The following SHISA9 variants were observed in gnomAD, a reference collection of about 807,000 sequenced individuals.
SHISA9 encodes shisa family member 9, also known as protein shisa-9.
Under a neutral mutation model 38.0 loss-of-function variants are expected in SHISA9, and 13 were observed. The observed-to-expected ratio is 0.34, with a 90% CI of 0.22 to 0.54. The LOEUF is 0.54. SHISA9 is among the 20% of genes least tolerant of loss of function. The pLI, the probability that SHISA9 is intolerant of heterozygous loss-of-function variation, is 0.91. For synonymous variants in SHISA9, 275 were observed against 242.0 expected (o/e 1.14, Z -1.27); for missense variants, 538 against 575.8 (o/e 0.93, Z 0.67).
intron 2 of SHISA9, among the ~76,000 whole-genome samples, chr16:13,056,993 G>C (rs1267860897): frequency 6.6e-6 from 1 of 152,200 alleles, no homozygotes; most frequent in African/African-American, 2.4e-5. Context: ...TTAGCTGTGA[G>C]GCTAGCAAAG....
chr16:13,332,015 G>A, the SHISA9 span: 1 of 151,968 alleles, frequency 6.6e-6, no homozygotes, highest in Non-Finnish European at 1.5e-5. Context: ...ATTAGATGGA[G>A]ATATTTAGGT....
In SHISA9 at chr16:13,170,180, G is replaced by A. The variant is rs376002872; in HGVS notation, c.692-33214G>A. Among the ~76,000 whole-genome samples, 5 of 145,610 alleles carry A rather than the reference G, an allele frequency of 3.4e-5. No homozygotes were observed. In the South Asian group the frequency reaches 1.1e-3, roughly 32 times the overall value. On this transcript the variant is annotated intron_variant, in intron 2 of 4. Coordinates refer to ENST00000558583, the MANE Select transcript of SHISA9 (RefSeq NM_001145204.3). ...ATCGTGCCATTGCACTCCAGCCTGG[G>A]CAACAGAGTGAGACTCCATCTCAAA... is the stretch of plus-strand genomic sequence containing the variant.
Position 13,006,389 on chromosome 16 carries a change from A to G in SHISA9, c.691+89574A>G, listed in dbSNP as rs1856177486. On this transcript the variant is annotated intron_variant, in intron 2 of 4. Transcript: ENST00000558583. ...TCCATCCACTGCCACCCGTCAACAT[A>G]TCAGCCAACCTGTGACAGTATTTAT... Among the ~76,000 whole-genome samples, 3 of 152,196 alleles carry G rather than the reference A, an allele frequency of 2.0e-5. 1 individual carries two copies. The highest frequency in any genetic ancestry group is 2.0e-4 in the Admixed American group (3 of 15,282).
intron 2 of SHISA9, among the ~76,000 whole-genome samples, chr16:13,123,720 G>A (rs2141980357): frequency 6.6e-6 from 1 of 152,336 alleles, no homozygotes; most frequent in Middle Eastern, 3.4e-3. Context: ...GTCTGGACAA[G>A]AGAGAGGCTT....
the SHISA9 span, among the ~76,000 whole-genome samples, chr16:13,525,419 A>C: frequency 1.3e-5 from 2 of 152,224 alleles, no homozygotes; most frequent in Non-Finnish European, 2.9e-5. Flanking sequence ...AGCCCATAAC[A>C]AAAAACTGGA....
At chr16:13,421,198 C>T in the SHISA9 span, among the ~76,000 whole-genome samples, 1 of 100,550 alleles carries the variant, frequency 9.9e-6, no homozygotes, top group African/African-American at 3.6e-5. Flanking sequence ...GCCATTTCTT[C>T]TCTGTGTTAT....
chr16:13,293,738 C>G, the SHISA9 span, among the ~76,000 whole-genome samples: 1 of 152,210 alleles, frequency 6.6e-6, no homozygotes, highest in African/African-American at 2.4e-5. Context: ...TTCCATGGCT[C>G]TGCCTTAATT....
At chr16:12,968,701 G>A (rs1301294361) in intron 2 of SHISA9, among the ~76,000 whole-genome samples, 4 of 152,154 alleles carry the variant, frequency 2.6e-5, no homozygotes, top group Non-Finnish European at 5.9e-5. Context: ...TTCTGGAAAA[G>A]GTCATCTGCA....
intron 4 of SHISA9, among the ~76,000 whole-genome samples, chr16:13,232,655 C>T (rs1360210955): frequency 2.0e-5 from 3 of 152,098 alleles, no homozygotes; most frequent in Non-Finnish European, 4.4e-5. Flanking sequence ...TTGAGAAATA[C>T]ATAAGTTTGG....
the SHISA9 span, among the ~76,000 whole-genome samples, chr16:13,497,992 GA>G: frequency 2.7e-4 from 41 of 151,260 alleles, no homozygotes; most frequent in African/African-American, 7.7e-4. Flanking sequence ...GTGAGCAATA[GA>G]AAAAAAATCA....
the SHISA9 span, among the ~76,000 whole-genome samples, chr16:13,519,809 T>G: frequency 6.6e-6 from 1 of 152,148 alleles, no homozygotes; most frequent in African/African-American, 2.4e-5. Flanking sequence ...GAGAACTCAC[T>G]CATTATCATG....
the SHISA9 span, among the ~76,000 whole-genome samples, chr16:13,265,415 C>T: frequency 0.55 from 48,744 of 88,356 alleles, 14,107 homozygotes; most frequent in African/African-American, 0.66. Flanking sequence ...TTCTCTCCTC[C>T]CCCCTCCCCT....
At chr16:13,042,423 T>C (rs1221912348) in intron 2 of SHISA9, among the ~76,000 whole-genome samples, 3 of 152,126 alleles carry the variant, frequency 2.0e-5, no homozygotes, top group Non-Finnish European at 4.4e-5. Context: ...TGGGACAAAA[T>C]ATAGCTGACC....
chr16:13,086,181 C>T (rs919543921), intron 2 of SHISA9, among the ~76,000 whole-genome samples: 1 of 151,704 alleles, frequency 6.6e-6, no homozygotes, highest in Non-Finnish European at 1.5e-5. Flanking sequence ...CATGATGAAA[C>T]CCTGTCTCTA....
chr16:13,481,584 T>G, the SHISA9 span, among the ~76,000 whole-genome samples: 13 of 152,206 alleles, frequency 8.5e-5, no homozygotes, highest in Non-Finnish European at 1.9e-4. Context: ...TATGTGTCTC[T>G]GCCCTGTAAA....
the SHISA9 span, among the ~76,000 whole-genome samples, chr16:13,309,302 C>A: frequency 1.3e-5 from 2 of 152,092 alleles, no homozygotes; most frequent in African/African-American, 2.4e-5. Flanking sequence ...CACACGTTTA[C>A]CCGTGTAGCA....
downstream of SHISA9, among the ~76,000 whole-genome samples, chr16:13,240,606 G>A (rs2051427655): frequency 6.6e-6 from 1 of 152,152 alleles, no homozygotes; most frequent in African/African-American, 2.4e-5. Flanking sequence ...TGTGTTTGAA[G>A]CGTTTTTGGT....
At chr16:13,399,393 A>T in the SHISA9 span, among the ~76,000 whole-genome samples, 30,593 of 152,104 alleles carry the variant, frequency 0.2, 3,473 homozygotes, top group African/African-American at 0.29. Context: ...TTTAACCACA[A>T]ATGGAGCCAA....
chr16:13,507,078 T>C, the SHISA9 span, among the ~76,000 whole-genome samples: 15 of 151,952 alleles, frequency 9.9e-5, no homozygotes, highest in African/African-American at 3.4e-4. Context: ...TGTATATATA[T>C]ATATATAAAA....
Sources: allele counts gnomAD v4.1 joint callset (sites outside exome capture counted in the v4.1 genomes callset), GRCh38; gene constraint gnomAD v4.1.1; transcripts MANE v1.5; gene names NCBI Gene and HGNC (gene_info 2026-07-23, HGNC 2026-07-21).